Variants in CYP2C18 observed in about 807,000 individuals in gnomAD.
CYP2C18 encodes the protein cytochrome P450 2C18.
Under a neutral mutation model 41.3 loss-of-function variants are expected in CYP2C18, and 38 were observed. The ratio of observed to expected loss-of-function variants is 0.92; its 90% CI spans 0.71 to 1.21. The LOEUF (loss-of-function observed/expected upper bound fraction) is 1.21, where lower values mean the gene tolerates loss of function less well. Among genes scored for constraint, CYP2C18 ranks in the 50% most tolerant of loss-of-function variants. The pLI is 0.00. For missense variants in CYP2C18, 635 were observed against 591.4 expected (o/e 1.07, Z -0.77); for synonymous variants, 236 against 210.0 (o/e 1.12, Z -1.07).
At chr10:94,730,888 C>T (rs573454070) in intron 7 of CYP2C18, among the ~76,000 whole-genome samples, 5 of 152,204 alleles carry the variant, frequency 3.3e-5, no homozygotes, top group Non-Finnish European at 5.9e-5. Context: ...CAATAATGTT[C>T]AAGCTGAGAG....
intron 3 of CYP2C18, among the ~76,000 whole-genome samples, chr10:94,694,489 A>G (rs963148778): frequency 2.6e-5 from 4 of 152,114 alleles, no homozygotes; most frequent in African/African-American, 7.2e-5. Context: ...TACTCGTTAT[A>G]TAGAAGATGT....
chr10:94,715,318 G>T (rs2134197743), intron 5 of CYP2C18, among the ~76,000 whole-genome samples: 1 of 152,248 alleles, frequency 6.6e-6, no homozygotes, highest in South Asian at 2.1e-4. Flanking sequence ...CTTTGGGTTT[G>T]TCATAAATAG....
intron 3 of CYP2C18, among the ~76,000 whole-genome samples, chr10:94,689,374 T>TG (rs201806941): frequency 0.25 from 38,701 of 151,806 alleles, 5,191 homozygotes; most frequent in South Asian, 0.45. Flanking sequence ...TTTTATGAAA[T>TG]CTTCAACATC....
At chr10:94,717,364 T>C (rs1488003479) in intron 5 of CYP2C18, among the ~76,000 whole-genome samples, 2 of 152,166 alleles carry the variant, frequency 1.3e-5, no homozygotes, top group East Asian at 1.9e-4. Flanking sequence ...GGTGCTCTTG[T>C]AGGGCAGGCA....
intron 6 of CYP2C18, among the ~76,000 whole-genome samples, chr10:94,721,295 A>G (rs1847641124): frequency 6.6e-6 from 1 of 152,130 alleles, no homozygotes. Flanking sequence ...GATTACAGGC[A>G]TATGCCACTG....
chr10:94,728,928 A>AAC (rs1847787063), intron 7 of CYP2C18, among the ~76,000 whole-genome samples: 1 of 152,140 alleles, frequency 6.6e-6, no homozygotes, highest in African/African-American at 2.4e-5. Flanking sequence ...CTAATTTTTC[A>AAC]GCTGAAACAG....
intron 4 of CYP2C18, among the ~76,000 whole-genome samples, chr10:94,705,690 C>T (rs1219814071): frequency 1.3e-5 from 2 of 152,032 alleles, no homozygotes; most frequent in Non-Finnish European, 2.9e-5. Flanking sequence ...GCCCATGGAA[C>T]TGTCTATTGT....
In CYP2C18 at chr10:94,735,669, T is replaced by C. The variant is rs1450308486; in HGVS notation, c.*225T>C. 1.2e-5 allele frequency: 7 copies of C among 565,998 alleles called. No individual in the cohort carries two copies. The Admixed American group carries it at 1.8e-4, about 15-fold the overall frequency. The allele number at this position is 565,998 out of a possible 1,614,324, so 35.1% of individuals were successfully genotyped here. On this transcript the variant is annotated 3_prime_UTR_variant, in exon 9 of 9. Coordinates refer to ENST00000285979, the MANE Select transcript of CYP2C18 (RefSeq NM_000772.3). ...TTCTCCATACTCTGTATCACTTGTA[T>C]TGACCACCACATATGCTAATACCTA...
chr10:94,688,013 G>A, intron 2 of CYP2C18, 81 bp downstream of exon 2: 2 of 1,595,178 alleles, frequency 1.3e-6, no homozygotes, highest in East Asian at 4.5e-5. Flanking sequence ...ATGGAAAACA[G>A]GCTTGAAGAG....
chr10:94,719,686 TGCCTCA>T (rs1847616369), intron 5 of CYP2C18, among the ~76,000 whole-genome samples: 1 of 152,042 alleles, frequency 6.6e-6, no homozygotes, highest in South Asian at 2.1e-4. Context: ...GTGATTCTTA[TGCCTCA>T]GCCTTCCGAG....
intron 1 of CYP2C18, among the ~76,000 whole-genome samples, chr10:94,684,472 CTTAT>C (rs1417885170): frequency 6.6e-6 from 1 of 152,094 alleles, no homozygotes; most frequent in Non-Finnish European, 1.5e-5. Context: ...CTCTGCCTGG[CTTAT>C]TTAATTAATA....
At chr10:94,716,499 A>G (rs1488019452) in intron 5 of CYP2C18, among the ~76,000 whole-genome samples, 2 of 152,150 alleles carry the variant, frequency 1.3e-5, no homozygotes, top group African/African-American at 4.8e-5. Context: ...GTTTTGGGTG[A>G]GTTTCTTAAT....
At chr10:94,718,260 T>C (rs1046053833) in intron 5 of CYP2C18, among the ~76,000 whole-genome samples, 1 of 152,160 alleles carries the variant, frequency 6.6e-6, no homozygotes, top group Non-Finnish European at 1.5e-5. Context: ...GTTGTTAATG[T>C]GTTGAAACAC....
At chr10:94,686,565 G>A (rs375171370) in intron 1 of CYP2C18, among the ~76,000 whole-genome samples, 46 of 152,092 alleles carry the variant, frequency 3.0e-4, no homozygotes, top group Non-Finnish European at 4.0e-4. Flanking sequence ...ACATATAACC[G>A]TTAATGTCAC....
chr10:94,725,617 A>T (rs1251841210), intron 7 of CYP2C18, among the ~76,000 whole-genome samples: 2 of 152,114 alleles, frequency 1.3e-5, no homozygotes, highest in African/African-American at 4.8e-5. Flanking sequence ...ATAAGTAAAA[A>T]ATCAGATTAG....
chr10:94,704,055 T>C (rs1442738157), intron 4 of CYP2C18, among the ~76,000 whole-genome samples: 1 of 152,182 alleles, frequency 6.6e-6, no homozygotes, highest in Non-Finnish European at 1.5e-5. Context: ...ATCCGTGGGC[T>C]GCACCCACTG....
intron 4 of CYP2C18, 152 bp downstream of exon 4, chr10:94,695,229 G>C: frequency 1.5e-6 from 1 of 680,898 alleles, no homozygotes; most frequent in South Asian, 2.0e-5. Flanking sequence ...TGCCATGGTG[G>C]TTTGCTGCAC....
chr10:94,694,810 A>T (rs1371561014), intron 3 of CYP2C18, 107 bp from the exon 4 acceptor site: 2 of 1,209,110 alleles, frequency 1.7e-6, no homozygotes, highest in African/African-American at 1.6e-5. Flanking sequence ...GAGAATTTCT[A>T]GGTAGGTATT....
At chr10:94,706,018 A>G (rs758536698) in intron 4 of CYP2C18, among the ~76,000 whole-genome samples, 20 of 152,182 alleles carry the variant, frequency 1.3e-4, no homozygotes, top group Non-Finnish European at 2.9e-4. Context: ...AGACCTCTTC[A>G]TCACATTATT....
Sources: gnomAD v4.1 joint callset for allele counts (sites outside exome capture counted in the v4.1 genomes callset) on GRCh38, gnomAD v4.1.1 for gene constraint, MANE v1.5 for transcripts, NCBI Gene and HGNC (gene_info 2026-07-23, HGNC 2026-07-21) for gene names.